The following ABCA13 variants were observed in gnomAD, a reference collection of about 807,000 sequenced individuals.
ABCA13 encodes the protein ATP binding cassette subfamily A member 13, also known as ATP-binding cassette sub-family A member 13.
Under a neutral mutation model 478.7 loss-of-function variants are expected in ABCA13, and 476 were observed. The ratio of observed to expected loss-of-function variants is 0.99; its 90% CI spans 0.92 to 1.07. ABCA13 has a LOEUF of 1.07. Among genes scored for constraint, ABCA13 ranks in the 50% least tolerant of loss-of-function variants. ABCA13 has a pLI of 0.00. For missense variants in ABCA13, 6,060 were observed against 5,910.6 expected (o/e 1.03, Z -0.83); for synonymous variants, 2,252 against 2,158.9 (o/e 1.04, Z -1.20).
intron 26 of ABCA13, 30 bp from the exon 27 acceptor site, chr7:48,317,127 C>G: frequency 6.3e-7 from 1 of 1,593,348 alleles, no homozygotes; most frequent in African/African-American, 1.4e-5. Context: ...GTATCATTAG[C>G]AACTTTTTTT....
intron 15 of ABCA13, among the ~76,000 whole-genome samples, chr7:48,252,921 C>T (rs973280101): frequency 6.6e-6 from 1 of 152,266 alleles, no homozygotes; most frequent in African/African-American, 2.4e-5. Flanking sequence ...AAAATTTCCA[C>T]TTCCCCCAGC....
intron 42 of ABCA13, among the ~76,000 whole-genome samples, chr7:48,441,735 T>C (rs1233079056): frequency 6.6e-6 from 1 of 152,182 alleles, no homozygotes; most frequent in Non-Finnish European, 1.5e-5. Flanking sequence ...ACTTCATCAT[T>C]ACAACCAGTT....
chr7:48,268,808 C>CTT (rs372347020), intron 15 of ABCA13, among the ~76,000 whole-genome samples, 172 bp from the exon 16 acceptor site: 137 of 145,360 alleles, frequency 9.4e-4, no homozygotes, highest in African/African-American at 3.4e-3. Context: ...GGTACCTCAT[C>CTT]TTGTCTGGAA....
chr7:48,290,030 T>A (rs2128809259), intron 20 of ABCA13, among the ~76,000 whole-genome samples: 1 of 152,330 alleles, frequency 6.6e-6, no homozygotes, highest in East Asian at 1.9e-4. Context: ...TAAATAAATA[T>A]TTTAAATATA....
chr7:48,205,216 T>G (rs749710323), intron 3 of ABCA13, among the ~76,000 whole-genome samples: 7 of 152,288 alleles, frequency 4.6e-5, no homozygotes, highest in Non-Finnish European at 1.0e-4. Flanking sequence ...AGATAATTTC[T>G]TACATTATTT....
At chr7:48,421,387 A>C (rs909738484) in intron 41 of ABCA13, among the ~76,000 whole-genome samples, 1 of 152,074 alleles carries the variant, frequency 6.6e-6, no homozygotes, top group Non-Finnish European at 1.5e-5. Context: ...GTAAGAAAGA[A>C]CTCTCTCTTT....
chr7:48,442,212 A>T (rs893452921), intron 42 of ABCA13, among the ~76,000 whole-genome samples: 4 of 152,194 alleles, frequency 2.6e-5, no homozygotes, highest in Non-Finnish European at 4.4e-5. Flanking sequence ...CAAGAAAATG[A>T]CTTCCCCAGT....
rs1205599996 is a variant in ABCA13, at chr7:48,276,461, A to G, written c.6795A>G (p.Glu2265=). 1.7e-5 allele frequency: 27 copies of G among 1,599,868 alleles called. No individual in the cohort carries two copies. The highest frequency in any genetic ancestry group is 2.3e-5 in the Non-Finnish European group (27 of 1,173,854). ...TGAGAAGCATAGTAGATTTCACAGA[A>G]CAGTTTTTGAAAACATTCTTCTCCC... ...LSLRSIVDFT[E]QFLKTFFSLF... Residue 2265 remains glutamate, a synonymous_variant, in exon 17 of 62, where the codon GAA becomes GAG. Transcript: ENST00000435803.
rs143223008 is a variant in ABCA13 at position 48,424,489 on chromosome 7, C to A, written c.12460-3277C>A. 7.7e-4 allele frequency among the ~76,000 whole-genome samples: 117 copies of A among 152,238 alleles called. 2 individuals carry two copies. The East Asian group carries it at 0.019, about 24-fold the overall frequency. Reference sequence around the variant, plus strand: ...TTTTTTTCCCTCATCAACATTATAACAAAATGGCGTTGAATGAGATGACAT... The same window carrying A: ...TTTTTTTCCCTCATCAACATTATAAAAAAATGGCGTTGAATGAGATGACAT... On this transcript the variant is annotated intron_variant, in intron 41 of 61. Coordinates refer to ENST00000435803, the MANE Select transcript of ABCA13 (RefSeq NM_152701.5).
Position 48,352,470 on chromosome 7 carries a change from C to T in ABCA13, c.10671C>T (p.Pro3557=). 1 of 1,605,810 alleles carries T rather than the reference C, an allele frequency of 6.2e-7. No homozygotes were observed. Among genetic ancestry groups the T allele is most frequent in the Non-Finnish European group, 8.5e-7 (1 of 1,174,812 alleles). Residue 3557 remains proline (P), a synonymous_variant, in exon 31 of 62, where the codon CCC becomes CCT. Coordinates refer to ENST00000435803, the MANE Select transcript of ABCA13 (RefSeq NM_152701.5). ...CACAGACTCAGGCGGCCCCTTACCC[C>T]TGCCATACCAGCGACCTGTGAGTAG... is the stretch of plus-strand genomic sequence containing the variant. ...PAAQTQAAPY[P]CHTSDLFLNN...
chr7:48,521,464 G>A (rs17132435), intron 53 of ABCA13, among the ~76,000 whole-genome samples: 12,783 of 152,084 alleles, frequency 0.084, 933 homozygotes, highest in African/African-American at 0.2. Context: ...AATAGACACC[G>A]TTTTGAGTAT....
In ABCA13 at chr7:48,352,450, ACTCAGGCGGC is replaced by A. The variant is rs769882366; in HGVS notation, c.10653_10662del (p.Gln3552LeufsTer11). 21 of 1,611,632 alleles carry A rather than the reference ACTCAGGCGGC, an allele frequency of 1.3e-5. No individual in the cohort carries two copies. In the African/African-American group the frequency reaches 2.7e-4, roughly 21 times the overall value. On this transcript the variant is annotated frameshift_variant, in exon 31 of 62. Coordinates refer to ENST00000435803, the MANE Select transcript of ABCA13 (RefSeq NM_152701.5). LOFTEE classifies it high-confidence loss of function. ...GGAAGCCCTGGAACCAGCAGCACAGACTCAGGCGGCCCCTTACCCCTGCCATACCAGCGAC... is the reference window on the plus strand; with the variant it reads ...GGAAGCCCTGGAACCAGCAGCACAGACCCTTACCCCTGCCATACCAGCGAC...
At chr7:48,292,893 T>C (rs1295157426) in intron 20 of ABCA13, among the ~76,000 whole-genome samples, 3 of 152,234 alleles carry the variant, frequency 2.0e-5, no homozygotes, top group African/African-American at 4.8e-5. Context: ...GTCCGGCACC[T>C]AGCCTGGGCC....
At chr7:48,623,283 T>C (rs140805097) in intron 59 of ABCA13, among the ~76,000 whole-genome samples, 23 of 152,362 alleles carry the variant, frequency 1.5e-4, no homozygotes, top group South Asian at 4.1e-4. Context: ...TCTTGTCAGC[T>C]AGCTTTTTGA....
chr7:48,179,282 G>A (rs1795317937), intron 1 of ABCA13, among the ~76,000 whole-genome samples: 1 of 152,196 alleles, frequency 6.6e-6, no homozygotes, highest in Non-Finnish European at 1.5e-5. Flanking sequence ...ATTTATTGGG[G>A]AACTGGTCCT....
chr7:48,374,387 T>G lies in ABCA13; in HGVS notation c.11174T>G (p.Phe3725Cys), dbSNP rs767821606. 6.2e-7 allele frequency: 1 copy of G among 1,610,692 alleles called. No individual in the cohort carries two copies. Among genetic ancestry groups the G allele is most frequent in the South Asian group, 1.1e-5 (1 of 89,954 alleles). ...ACCGCCTTTGGACAAGGGGTATTTT[T>G]TATTACATTCCTGGAAGGACAAGAG... ...STTAFGQGVF[F>C]ITFLEGQETG... is the part of the protein sequence containing the mutation. The change falls in exon 34 of 62, where the codon TTT (phenylalanine) becomes TGT (cysteine). Residue 3725 changes from phenylalanine (F) to cysteine (C), a missense_variant. By Grantham distance (205) the Phe-to-Cys change is radical. This residue lies in a region of ABCA13 where 4,423 missense variants were observed against 4,309.1 expected (regional missense o/e 1.03). Transcript: ENST00000435803.
At chr7:48,445,698 G>A (rs374055862) in intron 42 of ABCA13, among the ~76,000 whole-genome samples, 1 of 152,008 alleles carries the variant, frequency 6.6e-6, no homozygotes, top group East Asian at 1.9e-4. Flanking sequence ...CAGAACCTGT[G>A]GCAGGTTGTA....
intron 29 of ABCA13, among the ~76,000 whole-genome samples, chr7:48,345,196 A>G (rs1048026333): frequency 5.9e-5 from 9 of 152,268 alleles, no homozygotes; most frequent in Non-Finnish European, 1.3e-4. Flanking sequence ...ATAAAAGTCT[A>G]GCACACACAA....
At chr7:48,261,569 G>A (rs1259811273) in intron 15 of ABCA13, among the ~76,000 whole-genome samples, 1 of 149,906 alleles carries the variant, frequency 6.7e-6, no homozygotes, top group Non-Finnish European at 1.5e-5. Context: ...CTACTTTCTG[G>A]GATATTTTCT....
Sources: gnomAD v4.1 joint callset for allele counts (sites outside exome capture counted in the v4.1 genomes callset) on GRCh38, gnomAD v4.1.1 for gene constraint, gnomAD v4.1.1 regional missense constraint, MANE v1.5 for transcripts, NCBI Gene and HGNC (gene_info 2026-07-23, HGNC 2026-07-21) for gene names.